Variants in RBM12 observed in about 807,000 individuals in gnomAD.
RBM12 encodes RNA binding motif protein 12.
A neutral mutation model predicts 37.2 loss-of-function variants in RBM12; 24 were observed. That is an observed-to-expected ratio of 0.65 (90% CI 0.47 to 0.91). The LOEUF (loss-of-function observed/expected upper bound fraction) is 0.91. RBM12 is among the 40% of genes least tolerant of loss of function. The probability of loss-of-function intolerance (pLI) is 0.00; values close to 1 mark genes in which losing one functional copy is unlikely to be tolerated. For missense variants in RBM12, 1,061 were observed against 1,183.2 expected, an observed-to-expected ratio of 0.90 and a Z score of 1.52; for synonymous variants, 420 against 425.2, an observed-to-expected ratio of 0.99 and a Z score of 0.15.
At chr20:35,659,888 GAGA>G (rs1342568927) in intron 1 of RBM12, among the ~76,000 whole-genome samples, 2 of 152,080 alleles carry the variant, frequency 1.3e-5, no homozygotes, top group African/African-American at 4.8e-5. Flanking sequence ...AATTCGGAGA[GAGA>G]AGAAATTTGC....
intron 1 of RBM12, among the ~76,000 whole-genome samples, chr20:35,660,608 GA>G (rs1457228579): frequency 2.0e-5 from 3 of 152,114 alleles, no homozygotes; most frequent in Non-Finnish European, 2.9e-5. Flanking sequence ...ATGTGAAACA[GA>G]AAAAAACCTG....
Position 35,653,840 on chromosome 20 carries a change from T to C in RBM12, c.1483A>G (p.Met495Val). Residue 495 changes from methionine (M) to valine (V), a missense_variant, in exon 3 of 3, where the codon ATG becomes GTG. Physicochemically the swap from Met to Val is conservative, Grantham distance 21 (BLOSUM62 1). Around this residue, in one of 3 missense-constraint regions of RBM12, gnomAD observed 540 missense variants for 632.7 expected, o/e 0.85. Transcript: ENST00000374114. ...KAALCRHKQY[M>V]GNRFIQVHPI... ...TGAACTTGAATAAAGCGATTGCCCA[T>C]GTACTGTTTATGACGACACAGAGCA... 2.5e-6 allele frequency: 4 copies of C among 1,613,922 alleles called. No homozygotes were observed. Among genetic ancestry groups the C allele is most frequent in the Admixed American group, 1.7e-5 (1 of 60,030 alleles).
chr20:35,657,386 T>C (rs2033960981), intron 2 of RBM12, among the ~76,000 whole-genome samples: 1 of 152,198 alleles, frequency 6.6e-6, no homozygotes, highest in African/African-American at 2.4e-5. Context: ...GTGATAGCAT[T>C]TCCTGTTCAA....
intron 2 of RBM12, among the ~76,000 whole-genome samples, chr20:35,655,724 C>G (rs2033856687): frequency 6.6e-6 from 1 of 151,990 alleles, no homozygotes; most frequent in African/African-American, 2.4e-5. Flanking sequence ...AAAAAACATG[C>G]AAAGAATATA....
rs1434865337 is a variant in RBM12, at chr20:35,652,395, G to C, written c.*129C>G. On this transcript the variant is annotated 3_prime_UTR_variant, in exon 3 of 3. Transcript: ENST00000374114. ...TGTAAACAGTCAACCAATGCTCTATGTTATGGAAACCAAGCTATATGCAAT... is the reference window on the plus strand; with the variant it reads ...TGTAAACAGTCAACCAATGCTCTATCTTATGGAAACCAAGCTATATGCAAT... 1 of 1,091,318 alleles carries C rather than the reference G, an allele frequency of 9.2e-7. No individual in the cohort carries two copies. The highest frequency in any genetic ancestry group is 1.3e-6 in the Non-Finnish European group (1 of 763,810). The allele number at this position is 1,091,318 out of a possible 1,614,324, so 67.6% of individuals were successfully genotyped here.
chr20:35,654,054 TCTTGAC>T lies in RBM12; in HGVS notation c.1263_1268del (p.Arg423_Ser424del), dbSNP rs1404395473. 1 of 1,614,080 alleles carries T rather than the reference TCTTGAC, an allele frequency of 6.2e-7. No individual in the cohort carries two copies. Among genetic ancestry groups the T allele is most frequent in the Non-Finnish European group, 8.5e-7 (1 of 1,180,046 alleles). ...CACAAAAACCAGCCTCATGTGGTGA[TCTTGAC>T]CTTGATCTTTTCTGCCCACTGGGCG... On this transcript the variant is annotated inframe_deletion, in exon 3 of 3. Transcript: ENST00000374114.
In RBM12 at chr20:35,652,736, T is replaced by C. The variant is rs1443446700; in HGVS notation, c.2587A>G (p.Met863Val). 1.9e-6 allele frequency: 3 copies of C among 1,613,726 alleles called. No homozygotes were observed. The highest frequency in any genetic ancestry group is 1.7e-5 in the Admixed American group (1 of 59,944). ...PGPTVIKVQNMPFTVSIDEIL... is the reference protein window; with the variant it reads ...PGPTVIKVQNVPFTVSIDEIL... ...TCATCAATAGACACAGTAAAGGGCA[T>C]GTTTTGCACTTTAATTACTGTCGGT... The change falls in exon 3 of 3, where the codon ATG (methionine) becomes GTG (valine). Residue 863 changes from methionine to valine, a missense_variant. By Grantham distance (21) the Met-to-Val change is conservative. Coordinates refer to ENST00000374114, the MANE Select transcript of RBM12 (RefSeq NM_006047.6).
Position 35,654,488 on chromosome 20 carries a change from G to T in RBM12, c.835C>A (p.Pro279Thr). Residue 279 changes from proline to threonine, a missense_variant, in exon 3 of 3, where the codon CCG becomes ACG. By Grantham distance (38) the Pro-to-Thr change is conservative. This residue lies in a region of RBM12 where 540 missense variants were observed against 632.7 expected (regional missense o/e 0.85). Transcript: ENST00000374114. Reference protein sequence around the residue: ...NNNLNPMFLGPLNPVNPIQMN... With the variant: ...NNNLNPMFLGTLNPVNPIQMN... ...TGGATAGGGTTAACAGGATTCAACG[G>T]ACCAAGAAACATAGGATTCAGATTA... 6.2e-7 allele frequency: 1 copy of T among 1,614,146 alleles called. No homozygotes were observed. Among genetic ancestry groups the T allele is most frequent in the Non-Finnish European group, 8.5e-7 (1 of 1,180,034 alleles).
At chr20:35,655,733 T>C (rs1476305352) in intron 2 of RBM12, among the ~76,000 whole-genome samples, 1 of 152,068 alleles carries the variant, frequency 6.6e-6, no homozygotes, top group Non-Finnish European at 1.5e-5. Flanking sequence ...GCAAAGAATA[T>C]ATAGAAGTTA....
rs2033591218 is a variant in RBM12, at chr20:35,652,510, AATG to A, written c.*11_*13del. 1.9e-6 allele frequency: 3 copies of A among 1,599,316 alleles called. No individual in the cohort carries two copies. Among genetic ancestry groups the A allele is most frequent in the Admixed American group, 3.6e-5 (2 of 56,244 alleles). On this transcript the variant is annotated 3_prime_UTR_variant, in exon 3 of 3. Coordinates refer to ENST00000374114, the MANE Select transcript of RBM12 (RefSeq NM_006047.6). ...CAATATGAAGATCTACCCTATAAAA[AATG>A]ATGTGAATGGCTACCCTAATACAAG...
At chr20:35,655,478 T>C (rs139221175) in intron 2 of RBM12, 134 bp from the exon 3 acceptor site, 5 of 758,700 alleles carry the variant, frequency 6.6e-6, no homozygotes, top group African/African-American at 3.5e-5. Context: ...GTCTTTAATT[T>C]AGATATTCTA....
chr20:35,658,091 T>A (rs1007325259), intron 2 of RBM12, among the ~76,000 whole-genome samples: 4 of 151,880 alleles, frequency 2.6e-5, no homozygotes, highest in South Asian at 4.2e-4. Flanking sequence ...TAAAAAAAAA[T>A]TTAAAAAAGT....
rs761699683 is a variant in RBM12 at position 35,652,996 on chromosome 20, G to T, written c.2327C>A (p.Pro776Gln). 2 of 1,613,676 alleles carry T rather than the reference G, an allele frequency of 1.2e-6. No homozygotes were observed. The highest frequency in any genetic ancestry group is 2.7e-5 in the African/African-American group (2 of 74,934). ...GLDVPGFGGG[P>Q]NNLSGPSGFG... ...TCCCGATGGCCCACTTAAATTGTTT[G>T]GTCCACCTCCAAAACCCGGAACATC... The change falls in exon 3 of 3, where the codon CCA becomes CAA. Residue 776 changes from proline (P) to glutamine (Q), a missense_variant. By Grantham distance (76) the Pro-to-Gln change is moderately conservative. Transcript: ENST00000374114.
At position 35,654,007 on chromosome 20, in the gene RBM12, A is replaced by T; in HGVS notation, c.1316T>A (p.Phe439Tyr). The T allele has an allele frequency of 6.2e-7, 1 of 1,614,202 alleles. No homozygotes were observed. Among genetic ancestry groups the T allele is most frequent in the Non-Finnish European group, 8.5e-7 (1 of 1,180,038 alleles). The part of the protein sequence containing the change: ...GFCVYLKGLP[F>Y]EAENKHVIDF... ...AATGACATGTTTGTTTTCTGCTTCA[A>T]ATGGTAGCCCTTTCAAGTAAACACA... Residue 439 changes from phenylalanine to tyrosine, a missense_variant, in exon 3 of 3, where the codon TTT becomes TAT. By Grantham distance (22) the Phe-to-Tyr change is conservative (BLOSUM62 3). Coordinates refer to ENST00000374114, the MANE Select transcript of RBM12 (RefSeq NM_006047.6).
chr20:35,659,166 G>A (rs79094237), intron 1 of RBM12, among the ~76,000 whole-genome samples, 152 bp from the exon 2 acceptor site: 1,518 of 149,534 alleles, frequency 0.01, 15 homozygotes, highest in African/African-American at 0.035. Flanking sequence ...GAAAGACACC[G>A]TAACAAAATC....
At chr20:35,662,700 T>C (rs1235298893) in intron 1 of RBM12, among the ~76,000 whole-genome samples, 2 of 152,220 alleles carry the variant, frequency 1.3e-5, no homozygotes, top group African/African-American at 4.8e-5. Flanking sequence ...ACACTGTCAC[T>C]GGATTCCAGC....
Position 35,653,385 on chromosome 20 carries a change from A to C in RBM12, c.1938T>G (p.Asn646Lys). 1 of 1,614,170 alleles carries C rather than the reference A, an allele frequency of 6.2e-7. No individual in the cohort carries two copies. The highest frequency in any genetic ancestry group is 2.2e-5 in the East Asian group (1 of 44,892). ...CATTGGGCATTCCTGGAACTGCAGGATTACCTGGCACAGGCATCTTTAATC... is the reference window on the plus strand; with the variant it reads ...CATTGGGCATTCCTGGAACTGCAGGCTTACCTGGCACAGGCATCTTTAATC... The part of the protein sequence containing the change: ...KKGLKMPVPG[N>K]PAVPGMPNAG... The change falls in exon 3 of 3, where the codon AAT becomes AAG. Residue 646 changes from asparagine to lysine, a missense_variant. Coordinates refer to ENST00000374114, the MANE Select transcript of RBM12 (RefSeq NM_006047.6).
intron 1 of RBM12, among the ~76,000 whole-genome samples, chr20:35,659,847 G>A (rs6058291): frequency 0.26 from 39,513 of 151,800 alleles, 5,981 homozygotes; most frequent in African/African-American, 0.43. Context: ...GTCATTTTTT[G>A]CTTTTTATTT....
chr20:35,653,432 G>T lies in RBM12; in HGVS notation c.1891C>A (p.Pro631Thr), dbSNP rs1568935410. Residue 631 changes from proline (P) to threonine (T), a missense_variant, in exon 3 of 3, where the codon CCC becomes ACC. By Grantham distance (38) the Pro-to-Thr change is conservative. This residue lies in a region of RBM12 where 517 missense variants were observed against 534.0 expected (regional missense o/e 0.97). Coordinates refer to ENST00000374114, the MANE Select transcript of RBM12 (RefSeq NM_006047.6). ...LEDMREIEKNPPAQGKKGLKM... is the reference protein window; with the variant it reads ...LEDMREIEKNTPAQGKKGLKM... ...AATCCCTTTTTTCCTTGGGCAGGGG[G>T]ATTTTTCTCAATCTCTCTCATATCT... 4 of 1,614,126 alleles carry T rather than the reference G, an allele frequency of 2.5e-6. No homozygotes were observed. The highest frequency in any genetic ancestry group is 2.5e-6 in the Non-Finnish European group (3 of 1,180,010).
Sources: allele counts gnomAD v4.1 joint callset (sites outside exome capture counted in the v4.1 genomes callset), GRCh38; gene constraint gnomAD v4.1.1; regional missense constraint gnomAD v4.1.1; transcripts MANE v1.5; gene names NCBI Gene and HGNC (gene_info 2026-07-23, HGNC 2026-07-21).